The following SLC6A6 variants were observed in gnomAD, a reference collection of about 807,000 sequenced individuals.
The protein encoded by SLC6A6 is solute carrier family 6 member 6.
Under a neutral mutation model 68.8 loss-of-function variants are expected in SLC6A6, and 16 were observed. That is an observed-to-expected ratio of 0.23 (90% confidence interval 0.16 to 0.35). The LOEUF (loss-of-function observed/expected upper bound fraction) is 0.35. Ranked by LOEUF, SLC6A6 falls within the 10% of genes least tolerant of loss-of-function variation. The probability of loss-of-function intolerance (pLI) is 1.00; values close to 1 mark genes in which losing one functional copy is unlikely to be tolerated. For synonymous variants in SLC6A6, 312 were observed against 315.4 expected (o/e 0.99, Z 0.12); for missense variants, 474 against 802.8 (o/e 0.59, Z 4.95).
intron 6 of SLC6A6, among the ~76,000 whole-genome samples, chr3:14,465,159 C>T (rs1384191957): frequency 6.6e-6 from 1 of 152,242 alleles, no homozygotes; most frequent in Non-Finnish European, 1.5e-5. Context: ...CTTCGAACTC[C>T]TCCCAGGCAT....
chr3:14,460,142 CACTT>C (rs746993973), intron 6 of SLC6A6, among the ~76,000 whole-genome samples: 2 of 152,050 alleles, frequency 1.3e-5, no homozygotes, highest in Admixed American at 6.5e-5. Context: ...GAGACATCAT[CACTT>C]ACTTACGCAC....
chr3:14,457,196 C>G (rs1277044083), intron 5 of SLC6A6, among the ~76,000 whole-genome samples: 1 of 152,228 alleles, frequency 6.6e-6, no homozygotes, highest in African/African-American at 2.4e-5. Flanking sequence ...TCTGCCGTGT[C>G]ATCCTGGGCA....
intron 2 of SLC6A6, among the ~76,000 whole-genome samples, chr3:14,417,532 C>T (rs1299021066): frequency 6.6e-6 from 1 of 152,100 alleles, no homozygotes; most frequent in African/African-American, 2.4e-5. Flanking sequence ...GAGATCGAGA[C>T]CATCCTGGCT....
At chr3:14,476,694 A>C (rs1045687121) in intron 10 of SLC6A6, among the ~76,000 whole-genome samples, 2 of 152,202 alleles carry the variant, frequency 1.3e-5, no homozygotes, top group Non-Finnish European at 2.9e-5. Context: ...CATTCATCAC[A>C]TTTTCTGAGC....
chr3:14,482,852 T>G (rs1357439190), intron 14 of SLC6A6, among the ~76,000 whole-genome samples: 1 of 152,156 alleles, frequency 6.6e-6, no homozygotes, highest in African/African-American at 2.4e-5. Context: ...CTATGAGCTG[T>G]TAACAGACTG....
At chr3:14,446,096 T>G (rs1700115350) in intron 4 of SLC6A6, among the ~76,000 whole-genome samples, 1 of 152,186 alleles carries the variant, frequency 6.6e-6, no homozygotes. Context: ...GCATGCCCAC[T>G]TCCCTAGGTT....
chr3:14,474,282 G>A (rs1411684642), intron 10 of SLC6A6, among the ~76,000 whole-genome samples: 1 of 152,176 alleles, frequency 6.6e-6, no homozygotes, highest in African/African-American at 2.4e-5. Context: ...CCCACTGCCA[G>A]CACTGTGACA....
intron 2 of SLC6A6, among the ~76,000 whole-genome samples, chr3:14,435,007 G>A (rs998945835): frequency 2.0e-5 from 3 of 152,198 alleles, no homozygotes; most frequent in Non-Finnish European, 2.9e-5. Context: ...ACCGTGTCTC[G>A]CCACCCCCGG....
At chr3:14,441,915 A>G (rs969407315) in intron 2 of SLC6A6, among the ~76,000 whole-genome samples, 2 of 152,244 alleles carry the variant, frequency 1.3e-5, no homozygotes, top group Non-Finnish European at 1.5e-5. Context: ...AGTTGTGAGC[A>G]AGGCAGGTGT....
chr3:14,418,112 G>A (rs933574212), intron 2 of SLC6A6, among the ~76,000 whole-genome samples: 22 of 152,218 alleles, frequency 1.4e-4, no homozygotes, highest in Admixed American at 1.1e-3. Flanking sequence ...CCTCGTACTC[G>A]CCATCTGCTG....
intron 2 of SLC6A6, among the ~76,000 whole-genome samples, chr3:14,439,681 T>C (rs1214436847): frequency 6.6e-6 from 1 of 152,208 alleles, no homozygotes; most frequent in African/African-American, 2.4e-5. Flanking sequence ...AAACAGCCCT[T>C]GTCGGCGGGT....
chr3:14,460,053 T>C (rs1428664942), intron 6 of SLC6A6, among the ~76,000 whole-genome samples: 1 of 152,062 alleles, frequency 6.6e-6, no homozygotes, highest in Non-Finnish European at 1.5e-5. Context: ...CATGCCACCA[T>C]GCCCTTCTTC....
intron 1 of SLC6A6, among the ~76,000 whole-genome samples, chr3:14,412,808 A>C (rs182692309): frequency 6.6e-6 from 1 of 152,128 alleles, no homozygotes; most frequent in African/African-American, 2.4e-5. Context: ...TGCTTCGTCA[A>C]CTCCTCTTCT....
chr3:14,420,369 G>C (rs1442875920), intron 2 of SLC6A6, among the ~76,000 whole-genome samples: 1 of 152,224 alleles, frequency 6.6e-6, no homozygotes, highest in African/African-American at 2.4e-5. Context: ...ATTTGGCCCA[G>C]TGGCCAGTTT....
chr3:14,447,381 A>G (rs1002129023), intron 4 of SLC6A6, among the ~76,000 whole-genome samples: 18 of 152,080 alleles, frequency 1.2e-4, no homozygotes, highest in African/African-American at 4.1e-4. Context: ...CCTGCCATCC[A>G]TCCCATTTAT....
chr3:14,453,775 G>C (rs1396893708), intron 5 of SLC6A6, among the ~76,000 whole-genome samples: 4 of 152,266 alleles, frequency 2.6e-5, no homozygotes, highest in Non-Finnish European at 4.4e-5. Context: ...GGGTGGCCAG[G>C]AACAGCTGCC....
rs1042571521 is a variant in SLC6A6, at chr3:14,450,645, C to G, written c.599+2829C>G. On this transcript the variant is annotated intron_variant, in intron 5 of 14. Transcript: ENST00000622186. This position sits in a 1 kb window ranked among gnomAD's most constrained non-coding sequence, Gnocchi z 4.1. ...ATGGAGCAGGAGCCTGGAAAGCAGG[C>G]TTAGGCAAGACCAGCACTGCCTCCT... Among the ~76,000 whole-genome samples, 2 of 152,216 alleles carry G rather than the reference C, an allele frequency of 1.3e-5. No homozygotes were observed. The highest frequency in any genetic ancestry group is 4.8e-5 in the African/African-American group (2 of 41,468).
At chr3:14,467,385 C>CG (rs773576562) in intron 7 of SLC6A6, among the ~76,000 whole-genome samples, 1 of 152,158 alleles carries the variant, frequency 6.6e-6, no homozygotes, top group Non-Finnish European at 1.5e-5. Context: ...CATTCTAACT[C>CG]GGGGGTCTGC....
Position 14,447,634 on chromosome 3 carries a change from C to A in SLC6A6, c.417C>A (p.Ile139=). ...TGTCCCTCCTGAATGTCTACTACAT[C>A]GTCATCCTGGCCTGGGCCACATACT... ...VIVSLLNVYY[I]VILAWATYYL... is the part of the protein sequence containing the mutation. The change falls in exon 5 of 15, where the codon ATC becomes ATA. Residue 139 remains isoleucine (I), a synonymous_variant. Coordinates refer to ENST00000622186, the MANE Select transcript of SLC6A6 (RefSeq NM_003043.6). The A allele has an allele frequency of 6.2e-7, 1 of 1,614,236 alleles. No individual in the cohort carries two copies. Among genetic ancestry groups the A allele is most frequent in the Non-Finnish European group, 8.5e-7 (1 of 1,180,024 alleles).
Sources: gnomAD v4.1 joint callset for allele counts (sites outside exome capture counted in the v4.1 genomes callset) on GRCh38, gnomAD v4.1.1 for gene constraint, Gnocchi (gnomAD v3.1) non-coding constraint, MANE v1.5 for transcripts, NCBI Gene and HGNC (gene_info 2026-07-23, HGNC 2026-07-21) for gene names.